POLQ: variants seen among roughly 807,000 people sequenced by gnomAD.
POLQ encodes epididymis secretory sperm binding protein.
In POLQ, 233 loss-of-function variants were observed where a neutral mutation model predicts 259.2. The observed-to-expected ratio is 0.90, with a 90% confidence interval of 0.81 to 1.00. POLQ has a LOEUF of 1.00. Ranked by LOEUF, POLQ falls within the 50% of genes least tolerant of loss-of-function variation. POLQ has a pLI of 0.00. For missense variants in POLQ, 2,871 were observed against 3,051.6 expected (o/e 0.94, Z 1.39); for synonymous variants, 1,025 against 1,048.8 (o/e 0.98, Z 0.44).
At position 121,488,629 on chromosome 3, in the gene POLQ, T is replaced by C; in HGVS notation, c.4302A>G (p.Glu1434=). ...EENGLFLKKN[E]VSVTDSQLNS... ...TTAATTGTGAATCAGTAACAGAAAC[T>C]TCATTCTTTTTTAAAAAAAGACCAT... Residue 1434 remains glutamate, a synonymous_variant, in exon 16 of 30, where the codon GAA becomes GAG. Transcript: ENST00000264233. The C allele has an allele frequency of 1.2e-6, 2 of 1,602,216 alleles. No homozygotes were observed. The highest frequency in any genetic ancestry group is 8.5e-7 in the Non-Finnish European group (1 of 1,176,882).
Position 121,469,892 on chromosome 3 carries a change from A to G in POLQ, c.6719-1461T>C, listed in dbSNP as rs185037949. Among the ~76,000 whole-genome samples, 558 of 152,362 alleles carry G rather than the reference A, an allele frequency of 3.7e-3. 2 individuals are homozygous for G. Among genetic ancestry groups the G allele is most frequent in the African/African-American group, 0.013 (533 of 41,588 alleles). On this transcript the variant is annotated intron_variant, in intron 22 of 29. Transcript: ENST00000264233. The stretch of plus-strand genomic sequence containing the variant: ...ATCACTAATAAGTAAAATCAGTAAT[A>G]AAATCAAAAGAAATGTTGCACATTT...
chr3:121,460,839 G>C (rs556930202), intron 24 of POLQ, among the ~76,000 whole-genome samples: 16 of 152,034 alleles, frequency 1.1e-4, no homozygotes, highest in African/African-American at 3.9e-4. Flanking sequence ...AGAAATGGGT[G>C]GATTAGATAT....
intron 9 of POLQ, 67 bp downstream of exon 9, chr3:121,519,804 C>G: frequency 1.2e-6 from 1 of 864,592 alleles, no homozygotes; most frequent in African/African-American, 1.7e-5. Context: ...TTGCCAGACA[C>G]TAGTCAAATT....
intron 7 of POLQ, among the ~76,000 whole-genome samples, chr3:121,528,030 T>C (rs1576427260): frequency 1.3e-5 from 2 of 152,250 alleles, no homozygotes; most frequent in Non-Finnish European, 2.9e-5. Context: ...TATGCAGTTA[T>C]GATTTAACAC....
At chr3:121,541,163 G>A (rs2048486645) in intron 3 of POLQ, among the ~76,000 whole-genome samples, 186 bp downstream of exon 3, 1 of 152,206 alleles carries the variant, frequency 6.6e-6, no homozygotes, top group Admixed American at 6.5e-5. Context: ...TTACAGGCGT[G>A]AGCTACCACA....
intron 14 of POLQ, among the ~76,000 whole-genome samples, chr3:121,495,220 G>A (rs969192543): frequency 2.0e-5 from 3 of 151,838 alleles, no homozygotes; most frequent in African/African-American, 4.8e-5. Flanking sequence ...GTGGTGAGCC[G>A]AGATCGTGCC....
intron 25 of POLQ, among the ~76,000 whole-genome samples, chr3:121,455,428 A>T (rs1490657674): frequency 2.0e-5 from 3 of 149,710 alleles, no homozygotes; most frequent in African/African-American, 7.4e-5. Flanking sequence ...CCTTCAAAAA[A>T]TTAATGAATC....
intron 14 of POLQ, chr3:121,494,757 A>C: frequency 6.6e-7 from 1 of 1,523,166 alleles, no homozygotes; most frequent in South Asian, 1.1e-5. Flanking sequence ...ACTTTGGCTA[A>C]GCTGGTGGAA....
At chr3:121,516,412 G>A (rs1161414520) in intron 9 of POLQ, among the ~76,000 whole-genome samples, 2 of 152,102 alleles carry the variant, frequency 1.3e-5, no homozygotes, top group Admixed American at 6.6e-5. Flanking sequence ...AAGCCACTTT[G>A]GGCTGTTTAA....
At chr3:121,508,934 CA>C (rs1251159495) in intron 12 of POLQ, among the ~76,000 whole-genome samples, 1 of 150,864 alleles carries the variant, frequency 6.6e-6, no homozygotes, top group Non-Finnish European at 1.5e-5. Flanking sequence ...CTTTGTTATA[CA>C]AAATAATATT....
At chr3:121,454,026 G>A (rs186364610) in intron 25 of POLQ, among the ~76,000 whole-genome samples, 5 of 152,168 alleles carry the variant, frequency 3.3e-5, no homozygotes, top group Admixed American at 6.5e-5. Flanking sequence ...GACTAACAGC[G>A]GATCTCTCGG....
intron 27 of POLQ, among the ~76,000 whole-genome samples, chr3:121,438,832 A>G (rs928810903): frequency 3.9e-5 from 6 of 152,250 alleles, no homozygotes; most frequent in African/African-American, 1.4e-4. Flanking sequence ...CCTGATAAAT[A>G]TCTGATATTT....
rs1243317184 is a variant in POLQ, at chr3:121,529,602, A to C, written c.1108+43T>G. 11 of 1,579,066 alleles carry C rather than the reference A, an allele frequency of 7.0e-6. 1 individual carries two copies. In the South Asian group the frequency reaches 1.2e-4, roughly 18 times the overall value. ...TAATCACTACCATTACTTTCAAGCA[A>C]ATGTACTAAGCATGAAGGCTTTCCT... On this transcript the variant is annotated intron_variant, in intron 7 of 29. Coordinates refer to ENST00000264233, the MANE Select transcript of POLQ (RefSeq NM_199420.4).
chr3:121,522,192 CTTCT>C, intron 7 of POLQ, 43 bp from the exon 8 acceptor site: 3 of 1,502,674 alleles, frequency 2.0e-6, no homozygotes. Flanking sequence ...TCTAACTCAG[CTTCT>C]TTAAGTGTAT....
chr3:121,488,658 C>T lies in POLQ; in HGVS notation c.4273G>A (p.Glu1425Lys), dbSNP rs2048035361. 1.2e-6 allele frequency: 2 copies of T among 1,604,122 alleles called. No individual in the cohort carries two copies. Among genetic ancestry groups the T allele is most frequent in the Non-Finnish European group, 1.7e-6 (2 of 1,177,164 alleles). The change falls in exon 16 of 30, where the codon GAA becomes AAA. Residue 1425 changes from glutamate to lysine, a missense_variant. Glu to Lys is a moderately conservative substitution (Grantham distance 56). Coordinates refer to ENST00000264233, the MANE Select transcript of POLQ (RefSeq NM_199420.4). ...PIFHSPILLE[E>K]NGLFLKKNEV... ...TTCTTTTTTAAAAAAAGACCATTTTCCTCCAATAGTATTGGAGAATGGAAA... is the reference window on the plus strand; with the variant it reads ...TTCTTTTTTAAAAAAAGACCATTTTTCTCCAATAGTATTGGAGAATGGAAA...
chr3:121,476,913 C>G (rs2047932114), intron 19 of POLQ, among the ~76,000 whole-genome samples, 180 bp from the exon 20 acceptor site: 1 of 152,180 alleles, frequency 6.6e-6, no homozygotes, highest in Admixed American at 6.5e-5. Flanking sequence ...AAAGTACAGG[C>G]TAGTTTAGCA....
Position 121,436,175 on chromosome 3 carries a change from G to C in POLQ, c.7490C>G (p.Ser2497Ter). 6.2e-7 allele frequency: 1 copy of C among 1,613,862 alleles called. No homozygotes were observed. The highest frequency in any genetic ancestry group is 8.5e-7 in the Non-Finnish European group (1 of 1,179,736). ...TCGATGACCATGGGATTTGAAGGTTGAGTGGAAGGTCTCTAATTGCTTCTG... is the reference window on the plus strand; with the variant it reads ...TCGATGACCATGGGATTTGAAGGTTCAGTGGAAGGTCTCTAATTGCTTCTG... ...NIQKQLETFH[S>*]TFKSHGHREG... Residue 2497 changes from serine to a stop codon, truncating the protein, a stop_gained, in exon 28 of 30, where the codon TCA (serine) becomes TGA (stop). Transcript: ENST00000264233. LOFTEE classifies it high-confidence loss of function.
intron 12 of POLQ, among the ~76,000 whole-genome samples, chr3:121,504,582 G>A (rs370331050): frequency 6.6e-5 from 10 of 152,116 alleles, no homozygotes; most frequent in African/African-American, 2.2e-4. Flanking sequence ...AAGACATCAC[G>A]AGAAAACAGA....
rs145775117 is a variant in POLQ, at chr3:121,460,334, T to C, written c.6968-100A>G. On this transcript the variant is annotated intron_variant, in intron 24 of 29. Coordinates refer to ENST00000264233, the MANE Select transcript of POLQ (RefSeq NM_199420.4). ...TTGAGCAGGATGACAAAAATTTTGT[T>C]CTAACTTAGAACTTTGAAATCACAT... The C allele has an allele frequency of 1.1e-3, 907 of 826,358 alleles. 5 individuals carry two copies. The African/African-American group carries it at 0.014, about 13-fold the overall frequency. 51.2% of individuals were successfully genotyped at this position (826,358 alleles called of 1,614,324 possible). A position where few individuals can be genotyped will look rare whatever the true frequency, so the allele number is the denominator to read the frequency against.
Sources: allele counts gnomAD v4.1 joint callset (sites outside exome capture counted in the v4.1 genomes callset), GRCh38; gene constraint gnomAD v4.1.1; transcripts MANE v1.5; gene names NCBI Gene and HGNC (gene_info 2026-07-23, HGNC 2026-07-21).